Variants in FBXW7 observed in about 807,000 individuals in gnomAD.
FBXW7 encodes F-box/WD repeat-containing protein 7.
Under a neutral mutation model 86.3 loss-of-function variants are expected in FBXW7, and 11 were observed. The observed-to-expected ratio is 0.13, with a 90% CI of 0.08 to 0.21. FBXW7 has a LOEUF of 0.21. Among genes scored for constraint, FBXW7 ranks in the 10% least tolerant of loss-of-function variants. The probability of loss-of-function intolerance (pLI) is 1.00; values close to 1 mark genes in which losing one functional copy is unlikely to be tolerated. For synonymous variants in FBXW7, 313 were observed against 297.9 expected (o/e 1.05, Z -0.52); for missense variants, 488 against 847.4 (o/e 0.58, Z 5.27).
chr4:152,387,778 G>A (rs1189335364), intron 4 of FBXW7, among the ~76,000 whole-genome samples: 2 of 139,222 alleles, frequency 1.4e-5, no homozygotes, highest in Non-Finnish European at 3.0e-5. Flanking sequence ...GTGTAATGTC[G>A]GCTCACTGCA....
intron 2 of FBXW7, among the ~76,000 whole-genome samples, chr4:152,492,430 T>C (rs1745952737): frequency 6.6e-6 from 1 of 152,194 alleles, no homozygotes; most frequent in African/African-American, 2.4e-5. Flanking sequence ...CAAAGGTGTA[T>C]GCTTAAATTT....
intron 4 of FBXW7, among the ~76,000 whole-genome samples, chr4:152,410,057 A>G (rs1737794931): frequency 6.6e-6 from 1 of 152,182 alleles, no homozygotes; most frequent in Admixed American, 6.5e-5. Flanking sequence ...GGAAAAAGAT[A>G]ATGTTTTGTC....
chr4:152,359,727 C>T (rs1732749346), intron 4 of FBXW7, among the ~76,000 whole-genome samples: 2 of 151,794 alleles, frequency 1.3e-5, no homozygotes, highest in African/African-American at 4.8e-5. Flanking sequence ...CGTGCCGTTG[C>T]ACTCCAGCCT....
chr4:152,389,434 T>C (rs971867549), intron 4 of FBXW7, among the ~76,000 whole-genome samples: 1 of 152,078 alleles, frequency 6.6e-6, no homozygotes, highest in Admixed American at 6.6e-5. Context: ...TATTCAGCTA[T>C]AAAAAAGAAT....
At chr4:152,394,135 TG>T (rs1239614935) in intron 4 of FBXW7, among the ~76,000 whole-genome samples, 28 of 152,226 alleles carry the variant, frequency 1.8e-4, no homozygotes, top group African/African-American at 6.7e-4. Flanking sequence ...CCAAAACTAT[TG>T]TTCCATTCAT....
At chr4:152,534,597 C>T (rs551412442) in intron 2 of FBXW7, among the ~76,000 whole-genome samples, 97 of 152,088 alleles carry the variant, frequency 6.4e-4, no homozygotes, top group Non-Finnish European at 1.3e-3. Context: ...CCGCACACAC[C>T]CACAGTACCA....
chr4:152,400,645 C>A (rs183300600), intron 4 of FBXW7, among the ~76,000 whole-genome samples: 1 of 152,144 alleles, frequency 6.6e-6, no homozygotes, highest in East Asian at 1.9e-4. Flanking sequence ...TGGCACCCAG[C>A]CGGAAATGAC....
intron 4 of FBXW7, among the ~76,000 whole-genome samples, chr4:152,387,826 A>C (rs1439173585): frequency 6.7e-6 from 1 of 148,526 alleles, no homozygotes; most frequent in Non-Finnish European, 1.5e-5. Context: ...CTCCTGCCTC[A>C]GTCTCCTGAG....
rs946238639 is a variant in FBXW7 at position 152,498,590 on chromosome 4, A to G, written c.-120+36351T>C. Among the ~76,000 whole-genome samples, 10 of 152,352 alleles carry G rather than the reference A, an allele frequency of 6.6e-5. No individual in the cohort carries two copies. The Middle Eastern group carries it at 0.01, about 155-fold the overall frequency. On this transcript the variant is annotated intron_variant, in intron 2 of 13. Coordinates refer to ENST00000281708, the MANE Select transcript of FBXW7 (RefSeq NM_001349798.2). The stretch of plus-strand genomic sequence containing the variant: ...AAGCGATATAAAGAGGCATAGTACT[A>G]GTTTTCAGGGAGCTTATCATTTAGT...
At chr4:152,534,749 A>G (rs1192168075) in intron 2 of FBXW7, among the ~76,000 whole-genome samples, 192 bp downstream of exon 2, 1 of 152,190 alleles carries the variant, frequency 6.6e-6, no homozygotes, top group East Asian at 1.9e-4. Flanking sequence ...GCATACTTGC[A>G]TTACTCGTAC....
At chr4:152,401,731 T>C (rs915357340) in intron 4 of FBXW7, among the ~76,000 whole-genome samples, 8 of 152,278 alleles carry the variant, frequency 5.3e-5, no homozygotes, top group Non-Finnish European at 1.0e-4. Context: ...CTATAACAAA[T>C]GTACTACTCT....
In FBXW7 at chr4:152,477,805, T is replaced by C. The variant is rs1744546512; in HGVS notation, c.-120+57136A>G. Among the ~76,000 whole-genome samples, 3 of 152,238 alleles carry C rather than the reference T, an allele frequency of 2.0e-5. No individual in the cohort carries two copies. The South Asian group carries it at 6.2e-4, about 32-fold the overall frequency. On this transcript the variant is annotated intron_variant, in intron 2 of 13. Transcript: ENST00000281708. ...TCTATAGGGCCAAAAGCAGAAAGTGTTTTTTAATCTGCAAATTTAAATTGT... is the reference window on the plus strand; with the variant it reads ...TCTATAGGGCCAAAAGCAGAAAGTGCTTTTTAATCTGCAAATTTAAATTGT...
At chr4:152,379,528 T>G (rs529994810) in intron 4 of FBXW7, among the ~76,000 whole-genome samples, 2 of 152,258 alleles carry the variant, frequency 1.3e-5, no homozygotes, top group Admixed American at 6.5e-5. Context: ...TAATTTTAGT[T>G]TTTTTTCAGA....
At chr4:152,389,370 TATG>T (rs1306689854) in intron 4 of FBXW7, among the ~76,000 whole-genome samples, 1 of 152,122 alleles carries the variant, frequency 6.6e-6, no homozygotes, top group African/African-American at 2.4e-5. Flanking sequence ...TTAAGTCAAC[TATG>T]ATAACTAACC....
chr4:152,333,538 A>AT (rs1404055508), intron 7 of FBXW7, among the ~76,000 whole-genome samples: 1 of 152,168 alleles, frequency 6.6e-6, no homozygotes, highest in Non-Finnish European at 1.5e-5. Context: ...GTAGCCTCAC[A>AT]TATCACATAA....
intron 2 of FBXW7, among the ~76,000 whole-genome samples, chr4:152,473,355 G>A (rs1021752318): frequency 2.6e-5 from 4 of 152,186 alleles, no homozygotes; most frequent in Non-Finnish European, 5.9e-5. Context: ...TTAGTAAGAT[G>A]TTGATTTCAA....
At chr4:152,527,833 C>T (rs1429166063) in intron 2 of FBXW7, among the ~76,000 whole-genome samples, 1 of 150,612 alleles carries the variant, frequency 6.6e-6, no homozygotes, top group Non-Finnish European at 1.5e-5. Flanking sequence ...TTGACTAGAT[C>T]AGGAATTTTT....
intron 2 of FBXW7, among the ~76,000 whole-genome samples, chr4:152,482,328 T>C (rs1050485651): frequency 6.6e-6 from 1 of 152,232 alleles, no homozygotes; most frequent in Non-Finnish European, 1.5e-5. Flanking sequence ...TGTATAAACA[T>C]AACTTATATG....
intron 2 of FBXW7, among the ~76,000 whole-genome samples, chr4:152,534,476 A>G (rs1484879): frequency 0.47 from 71,549 of 151,970 alleles, 19,932 homozygotes; most frequent in African/African-American, 0.78. Flanking sequence ...CCTCTCTCAA[A>G]ACAGGTTTGT....
Sources: gnomAD v4.1 joint callset for allele counts (sites outside exome capture counted in the v4.1 genomes callset) on GRCh38, gnomAD v4.1.1 for gene constraint, MANE v1.5 for transcripts, NCBI Gene and HGNC (gene_info 2026-07-23, HGNC 2026-07-21) for gene names.